CDC42EP4: variants seen among roughly 807,000 people sequenced by gnomAD.
The protein encoded by CDC42EP4 is CDC42 effector protein 4.
In CDC42EP4, 6 loss-of-function variants were observed where a neutral mutation model predicts 5.6. The ratio of observed to expected loss-of-function variants is 1.07; its 90% CI spans 0.59 to 2.12. CDC42EP4 has a LOEUF of 2.12. CDC42EP4 is among the 30% of genes most tolerant of loss of function. The pLI is 0.00. For synonymous variants in CDC42EP4, 230 were observed against 224.2 expected, an observed-to-expected ratio of 1.03 and a Z score of -0.23; for missense variants, 490 against 508.6, an observed-to-expected ratio of 0.96 and a Z score of 0.35.
intron 1 of CDC42EP4, among the ~76,000 whole-genome samples, chr17:73,303,529 G>A (rs554881451): frequency 2.6e-4 from 39 of 152,116 alleles, no homozygotes; most frequent in African/African-American, 9.4e-4. Context: ...TGGCGTGGTG[G>A]TGGGTACCTG....
intron 1 of CDC42EP4, among the ~76,000 whole-genome samples, chr17:73,298,607 C>A (rs1211520971): frequency 6.6e-6 from 1 of 152,246 alleles, no homozygotes; most frequent in Admixed American, 6.5e-5. Flanking sequence ...TGAGGGCAAC[C>A]AGCACCCAGG....
In CDC42EP4 at chr17:73,286,458, T is replaced by C; in HGVS notation, c.43A>G (p.Lys15Glu). Residue 15 changes from lysine to glutamate, a missense_variant, in exon 2 of 2, where the codon AAG becomes GAG. Physicochemically the swap from Lys to Glu is moderately conservative, Grantham distance 56. Coordinates refer to ENST00000335793, the MANE Select transcript of CDC42EP4 (RefSeq NM_012121.5). This position sits in a 1 kb window ranked among gnomAD's most constrained non-coding sequence, Gnocchi z 7.7. ...KQLVSSSVHS[K>E]RRSRADLTAE... The stretch of plus-strand genomic sequence containing the variant: ...GTGAGGTCCGCTCGGGAACGGCGCT[T>C]GGAGTGCACCGAGCTGGACACCAGT... The C allele has an allele frequency of 6.2e-7, 1 of 1,609,050 alleles. No homozygotes were observed. The highest frequency in any genetic ancestry group is 1.7e-4 in the Middle Eastern group (1 of 6,022).
At chr17:73,303,624 T>G (rs2062230553) in intron 1 of CDC42EP4, among the ~76,000 whole-genome samples, 1 of 147,328 alleles carries the variant, frequency 6.8e-6, no homozygotes, top group Admixed American at 6.9e-5. Context: ...ATCATGCCTC[T>G]GCACTCCAGC....
intron 1 of CDC42EP4, among the ~76,000 whole-genome samples, chr17:73,292,602 T>C (rs2062166683): frequency 6.6e-6 from 1 of 151,668 alleles, no homozygotes; most frequent in African/African-American, 2.4e-5. Context: ...TGAGTGGGTG[T>C]GGGAGTCAGG....
chr17:73,308,373 C>T (rs992113565), intron 1 of CDC42EP4, among the ~76,000 whole-genome samples: 2 of 152,200 alleles, frequency 1.3e-5, no homozygotes, highest in East Asian at 1.9e-4. Flanking sequence ...CCTCCGCCCA[C>T]AGGCCTTATC....
At chr17:73,309,055 A>AAAAAAAAT (rs1165771237) in intron 1 of CDC42EP4, among the ~76,000 whole-genome samples, 2 of 148,650 alleles carry the variant, frequency 1.3e-5, no homozygotes, top group African/African-American at 2.5e-5. Flanking sequence ...AAAAAAAAAA[A>AAAAAAAAT]AAAGGGTTGG....
At chr17:73,298,496 C>T (rs1286843025) in intron 1 of CDC42EP4, among the ~76,000 whole-genome samples, 1 of 152,196 alleles carries the variant, frequency 6.6e-6, no homozygotes, top group Non-Finnish European at 1.5e-5. Flanking sequence ...ACAGTGGGAT[C>T]CTCTCAGAGA....
In CDC42EP4 at chr17:73,296,098, G is replaced by C. The variant is rs765711524; in HGVS notation, c.-112-9486C>G. On this transcript the variant is annotated intron_variant, in intron 1 of 1. Transcript: ENST00000335793. The stretch of plus-strand genomic sequence containing the variant: ...CCTTATTCATAATAGCGAAAGACTG[G>C]AGACAGGCTAGTCGCAGTGGCTCAC... Among the ~76,000 whole-genome samples, 135 of 151,626 alleles carry C rather than the reference G, an allele frequency of 8.9e-4. 1 individual carries two copies. Among genetic ancestry groups the C allele is most frequent in the Middle Eastern group, 3.4e-3 (1 of 292 alleles).
chr17:73,295,833 A>C (rs934743227), intron 1 of CDC42EP4, among the ~76,000 whole-genome samples: 1 of 150,156 alleles, frequency 6.7e-6, no homozygotes, highest in Non-Finnish European at 1.5e-5. Context: ...TGAACCTGGG[A>C]GGCAGAGGTT....
chr17:73,297,010 A>G (rs1486978573), intron 1 of CDC42EP4, among the ~76,000 whole-genome samples: 1 of 139,002 alleles, frequency 7.2e-6, no homozygotes, highest in Non-Finnish European at 1.6e-5. Context: ...AAAAATACAC[A>G]AGGCCAAGCG....
chr17:73,309,037 C>CAAAAAAAAA (rs2062259395), intron 1 of CDC42EP4, among the ~76,000 whole-genome samples: 1 of 1,846 alleles, frequency 5.4e-4, no homozygotes, highest in Non-Finnish European at 1.7e-3. Context: ...AGCTCTGTCT[C>CAAAAAAAAA]CAAAAAAAAA....
At chr17:73,290,319 G>C (rs1043604995) in intron 1 of CDC42EP4, among the ~76,000 whole-genome samples, 1 of 152,202 alleles carries the variant, frequency 6.6e-6, no homozygotes, top group Non-Finnish European at 1.5e-5. Context: ...GGCATTGCTG[G>C]TCAGTGACCA....
intron 1 of CDC42EP4, among the ~76,000 whole-genome samples, chr17:73,297,291 T>C (rs1294305233): frequency 9.9e-6 from 1 of 101,076 alleles, no homozygotes; most frequent in African/African-American, 3.8e-5. Context: ...CAAGACTTCG[T>C]CTCCAAAAAA....
intron 1 of CDC42EP4, among the ~76,000 whole-genome samples, chr17:73,298,638 G>A (rs977913779): frequency 2.6e-5 from 4 of 152,232 alleles, no homozygotes; most frequent in Admixed American, 2.0e-4. Context: ...ACCACTGACC[G>A]CCAAGCTGTG....
At chr17:73,291,457 C>G (rs1193103470) in intron 1 of CDC42EP4, among the ~76,000 whole-genome samples, 1 of 152,182 alleles carries the variant, frequency 6.6e-6, no homozygotes, top group Non-Finnish European at 1.5e-5. Flanking sequence ...GAGCTTCTAA[C>G]AGAGAACAGT....
intron 1 of CDC42EP4, among the ~76,000 whole-genome samples, chr17:73,289,137 G>A (rs935954428): frequency 6.6e-6 from 1 of 152,208 alleles, no homozygotes; most frequent in South Asian, 2.1e-4. Context: ...GGGCCAGAGA[G>A]TAAATATTCT....
In CDC42EP4 at chr17:73,285,590, G is replaced by A; in HGVS notation, c.911C>T (p.Thr304Ile). The change falls in exon 2 of 2, where the codon ACA becomes ATA. Residue 304 changes from threonine (T) to isoleucine (I), a missense_variant. Physicochemically the swap from Thr to Ile is moderately conservative, Grantham distance 89. Transcript: ENST00000335793. This position sits in a 1 kb window ranked among gnomAD's most constrained non-coding sequence, Gnocchi z 6.8. ...GSARSMGSHT[T>I]RDSSSLSSCT... ...GCTGGAGAGGGAGCTGCTGTCCCGT[G>A]TGGTGTGGCTGCCCATGCTGCGGGC... 1.2e-6 allele frequency: 2 copies of A among 1,610,790 alleles called. No homozygotes were observed. Among genetic ancestry groups the A allele is most frequent in the Non-Finnish European group, 1.7e-6 (2 of 1,178,812 alleles).
chr17:73,297,995 C>CG (rs1453316120), intron 1 of CDC42EP4, among the ~76,000 whole-genome samples: 11 of 94,976 alleles, frequency 1.2e-4, no homozygotes, highest in South Asian at 3.4e-4. Flanking sequence ...ACAACAACAG[C>CG]GAAAAAAAAA....
At chr17:73,305,765 T>A (rs1323987083) in intron 1 of CDC42EP4, among the ~76,000 whole-genome samples, 1 of 152,208 alleles carries the variant, frequency 6.6e-6, no homozygotes, top group Non-Finnish European at 1.5e-5. Context: ...CCAGTGACAC[T>A]CCAGCCACTG....
Sources: gnomAD v4.1 joint callset for allele counts (sites outside exome capture counted in the v4.1 genomes callset) on GRCh38, gnomAD v4.1.1 for gene constraint, Gnocchi (gnomAD v3.1) non-coding constraint, MANE v1.5 for transcripts, NCBI Gene and HGNC (gene_info 2026-07-23, HGNC 2026-07-21) for gene names.